The following CDH18 variants were observed in gnomAD, a reference collection of about 807,000 sequenced individuals.
CDH18 encodes cadherin-18.
CDH18 carries 31 observed loss-of-function variants against 67.9 expected under a neutral mutation model. The ratio of observed to expected loss-of-function variants is 0.46; its 90% CI spans 0.34 to 0.62. The LOEUF is 0.62. Among genes scored for constraint, CDH18 ranks in the 20% least tolerant of loss-of-function variants. CDH18 has a pLI of 0.01. For synonymous variants in CDH18, 362 were observed against 347.2 expected (o/e 1.04, Z -0.48); for missense variants, 890 against 975.5 (o/e 0.91, Z 1.17).
At chr5:20,285,736 TTAA>T (rs1420952448) in intron 1 of CDH18, among the ~76,000 whole-genome samples, 3 of 151,458 alleles carry the variant, frequency 2.0e-5, no homozygotes, top group African/African-American at 4.8e-5. Context: ...GCCTTTTAAC[TTAA>T]TAATAGAAAA....
chr5:20,060,293 C>T lies in CDH18; in HGVS notation c.-517-68279G>A, dbSNP rs1466313761. On this transcript the variant is annotated intron_variant, in intron 2 of 14. Coordinates refer to the CDH18 transcript ENST00000507958. ...CAGCCTAGCCAACATGATGAAACCC[C>T]GTCTCTACTAAAAATGCAAAAATCA... 4.6e-5 allele frequency among the ~76,000 whole-genome samples: 7 copies of T among 151,758 alleles called. No homozygotes were observed. In the South Asian group the frequency reaches 6.2e-4, roughly 14 times the overall value.
chr5:19,865,365 C>CA (rs1385100870), intron 2 of CDH18, among the ~76,000 whole-genome samples: 1 of 151,932 alleles, frequency 6.6e-6, no homozygotes, highest in Non-Finnish European at 1.5e-5. Flanking sequence ...ACAAGATGCA[C>CA]AAAAAATATA....
intron 5 of CDH18, among the ~76,000 whole-genome samples, chr5:19,687,736 T>A (rs1455650775): frequency 6.6e-6 from 1 of 152,184 alleles, no homozygotes; most frequent in Non-Finnish European, 1.5e-5. Context: ...CTCCACAGCC[T>A]CAGAGCTGAT....
intron 2 of CDH18, among the ~76,000 whole-genome samples, chr5:20,241,253 A>C (rs1011325361): frequency 6.6e-6 from 1 of 152,150 alleles, no homozygotes; most frequent in African/African-American, 2.4e-5. Flanking sequence ...AATTTTCTTA[A>C]CTTTAGCAGC....
intron 2 of CDH18, among the ~76,000 whole-genome samples, chr5:20,035,262 G>A (rs550437508): frequency 6.6e-6 from 1 of 152,032 alleles, no homozygotes; most frequent in African/African-American, 2.4e-5. Context: ...TATATTCCAG[G>A]CCTGTCCATG....
At chr5:19,894,574 C>T (rs542105557) in intron 2 of CDH18, among the ~76,000 whole-genome samples, 2 of 152,010 alleles carry the variant, frequency 1.3e-5, no homozygotes, top group East Asian at 3.9e-4. Context: ...GTAACAGCAA[C>T]TTATTCTTTA....
chr5:20,191,888 T>C (rs557885784), intron 2 of CDH18, among the ~76,000 whole-genome samples: 4 of 152,304 alleles, frequency 2.6e-5, no homozygotes, highest in African/African-American at 9.6e-5. Flanking sequence ...ATGGGATTGC[T>C]AGGTCAAATG....
At chr5:19,558,100 C>A (rs1621979) in intron 8 of CDH18, among the ~76,000 whole-genome samples, 15,074 of 151,830 alleles carry the variant, frequency 0.099, 1,044 homozygotes, top group African/African-American at 0.19. Flanking sequence ...AACTGAATGA[C>A]AATAGTGACA....
chr5:19,738,208 A>G (rs771600120), intron 4 of CDH18, among the ~76,000 whole-genome samples: 3 of 152,038 alleles, frequency 2.0e-5, no homozygotes, highest in Non-Finnish European at 4.4e-5. Flanking sequence ...ACGGACCACT[A>G]TAATATCAGG....
chr5:19,926,466 C>T (rs1030910144), intron 2 of CDH18, among the ~76,000 whole-genome samples: 3 of 152,048 alleles, frequency 2.0e-5, no homozygotes, highest in Non-Finnish European at 4.4e-5. Flanking sequence ...ACTTACTTAT[C>T]TTTGGTAATC....
intron 2 of CDH18, among the ~76,000 whole-genome samples, chr5:20,190,720 C>T (rs994604573): frequency 6.6e-6 from 1 of 152,018 alleles, no homozygotes; most frequent in Non-Finnish European, 1.5e-5. Context: ...CCGTAATTAC[C>T]ATTGACTCCT....
At chr5:19,566,595 T>C (rs1685129653) in intron 8 of CDH18, among the ~76,000 whole-genome samples, 2 of 152,140 alleles carry the variant, frequency 1.3e-5, no homozygotes, top group Non-Finnish European at 1.5e-5. Flanking sequence ...CATCATATCT[T>C]GTGAGACTTA....
chr5:19,931,403 A>C (rs1485580388), intron 2 of CDH18, among the ~76,000 whole-genome samples: 2 of 152,066 alleles, frequency 1.3e-5, no homozygotes, highest in African/African-American at 4.8e-5. Flanking sequence ...TTTTCCTTTG[A>C]AGTGAACATG....
intron 2 of CDH18, among the ~76,000 whole-genome samples, chr5:20,133,265 GT>G (rs1255243964): frequency 2.0e-5 from 3 of 152,178 alleles, no homozygotes; most frequent in Non-Finnish European, 4.4e-5. Context: ...GTTCCACATG[GT>G]TGGGGAGGCC....
At chr5:19,688,703 T>C (rs1028304784) in intron 5 of CDH18, among the ~76,000 whole-genome samples, 3 of 151,846 alleles carry the variant, frequency 2.0e-5, no homozygotes, top group African/African-American at 7.3e-5. Context: ...AAAAAAAGTA[T>C]GAAATGCCAG....
chr5:20,098,955 G>C (rs1746223680), intron 2 of CDH18, among the ~76,000 whole-genome samples: 1 of 151,950 alleles, frequency 6.6e-6, no homozygotes, highest in Admixed American at 6.6e-5. Flanking sequence ...CTCCTTCCAA[G>C]GCAGACAGTA....
rs569955131 is a variant in CDH18, at chr5:20,093,920, G to C, written c.-517-101906C>G. Among the ~76,000 whole-genome samples the C allele has an allele frequency of 5.9e-5, 9 of 152,240 alleles. No homozygotes were observed. The South Asian group carries it at 1.9e-3, about 32-fold the overall frequency. On this transcript the variant is annotated intron_variant, in intron 2 of 14. Transcript: ENST00000507958. ...TTAGAATTAAAGAGACCAATGTTTT[G>C]AAGAGAAAGGAGAATAATCCCATAC...
intron 1 of CDH18, among the ~76,000 whole-genome samples, chr5:20,453,874 T>C (rs1485418589): frequency 6.6e-6 from 1 of 152,046 alleles, no homozygotes; most frequent in Non-Finnish European, 1.5e-5. Flanking sequence ...AATCAGAAAA[T>C]ATTTGTAAAA....
At chr5:19,608,274 A>G (rs1748389078) in intron 6 of CDH18, among the ~76,000 whole-genome samples, 1 of 151,738 alleles carries the variant, frequency 6.6e-6, no homozygotes, top group South Asian at 2.1e-4. Context: ...AAAACGTTTC[A>G]AAATATATGC....
Sources: allele counts gnomAD v4.1 joint callset (sites outside exome capture counted in the v4.1 genomes callset), GRCh38; gene constraint gnomAD v4.1.1; transcripts MANE v1.5; gene names NCBI Gene and HGNC (gene_info 2026-07-23, HGNC 2026-07-21).